Variants in CWC27 observed in about 807,000 individuals in gnomAD.
CWC27 encodes the protein spliceosome-associated protein CWC27 homolog.
Under a neutral mutation model 63.6 loss-of-function variants are expected in CWC27, and 47 were observed. The ratio of observed to expected loss-of-function variants is 0.74; its 90% confidence interval spans 0.58 to 0.94. CWC27 has a LOEUF of 0.94. CWC27 is among the 40% of genes least tolerant of loss of function. CWC27 has a pLI of 0.00. For synonymous variants in CWC27, 175 were observed against 179.8 expected (o/e 0.97, Z 0.22); for missense variants, 495 against 554.3 (o/e 0.89, Z 1.07).
At position 64,982,077 on chromosome 5, in the gene CWC27, A is replaced by G. The variant is rs140466855; in HGVS notation, c.1256+4839A>G. ...TTTAAAGCTTTCCTTTGGAGTTAGC[A>G]TAGTGCAGAAGCAACAACTACCAGC... is the stretch of plus-strand genomic sequence containing the variant. On this transcript the variant is annotated intron_variant, in intron 13 of 13. Transcript: ENST00000381070. Among the ~76,000 whole-genome samples, 618 of 152,334 alleles carry G rather than the reference A, an allele frequency of 4.1e-3. 2 individuals carry two copies. Among genetic ancestry groups the G allele is most frequent in the African/African-American group, 0.014 (577 of 41,580 alleles).
At chr5:64,967,319 A>G (rs1205170549) in intron 11 of CWC27, among the ~76,000 whole-genome samples, 3 of 152,030 alleles carry the variant, frequency 2.0e-5, no homozygotes, top group Admixed American at 1.3e-4. Context: ...TAAAACTTTG[A>G]TAGATTCACT....
chr5:64,971,950 G>T (rs1193245226), intron 12 of CWC27, 138 bp downstream of exon 12: 2 of 462,536 alleles, frequency 4.3e-6, no homozygotes, highest in Non-Finnish European at 7.5e-6. Context: ...ATTTATATAG[G>T]GTGGACATTG....
intron 7 of CWC27, among the ~76,000 whole-genome samples, chr5:64,791,712 C>G (rs760774465): frequency 5.3e-5 from 8 of 152,054 alleles, no homozygotes; most frequent in Non-Finnish European, 1.0e-4. Context: ...CTTCTTTTCT[C>G]CAGCTGCTTA....
intron 10 of CWC27, among the ~76,000 whole-genome samples, chr5:64,880,351 T>C (rs1746906197): frequency 6.6e-6 from 1 of 152,016 alleles, no homozygotes. Context: ...TCTAGCTCTG[T>C]CACTTACTCA....
In CWC27 at chr5:64,804,330, T is replaced by C. The variant is rs753811241; in HGVS notation, c.882T>C (p.Ser294=). The change falls in exon 10 of 14, where the codon AGT becomes AGC. Residue 294 remains serine (S), a synonymous_variant. Transcript: ENST00000381070. The stretch of plus-strand genomic sequence containing the variant: ...CCAAAAAATTAAAAAAGGACACAAG[T>C]GCGAATGTTAAATCAGCTGGAGAAG... ...RIAKKLKKDT[S]ANVKSAGEGE... 3 of 1,612,846 alleles carry C rather than the reference T, an allele frequency of 1.9e-6. No individual in the cohort carries two copies. The highest frequency in any genetic ancestry group is 1.7e-6 in the Non-Finnish European group (2 of 1,179,514).
intron 10 of CWC27, among the ~76,000 whole-genome samples, chr5:64,839,579 A>G (rs1745748247): frequency 6.6e-6 from 1 of 152,204 alleles, no homozygotes; most frequent in Non-Finnish European, 1.5e-5. Flanking sequence ...ACAGGGCCTG[A>G]TGAGGGCAGG....
rs188313320 is a variant in CWC27 at position 64,822,986 on chromosome 5, A to T, written c.938+18600A>T. Among the ~76,000 whole-genome samples the T allele has an allele frequency of 1.2e-4, 19 of 152,356 alleles. No individual in the cohort carries two copies. The East Asian group carries it at 3.7e-3, about 29-fold the overall frequency. ...CACTAGGCTAGAATTTATTTGAATA[A>T]CAAATGTTACTCAAATTTAATGACA... On this transcript the variant is annotated intron_variant, in intron 10 of 13. Transcript: ENST00000381070.
At chr5:64,895,874 A>G (rs1747361137) in intron 11 of CWC27, among the ~76,000 whole-genome samples, 1 of 152,230 alleles carries the variant, frequency 6.6e-6, no homozygotes, top group African/African-American at 2.4e-5. Flanking sequence ...AAAATCATGT[A>G]GAACTCAGCC....
At chr5:64,908,599 A>G (rs949121784) in intron 11 of CWC27, among the ~76,000 whole-genome samples, 10 of 152,172 alleles carry the variant, frequency 6.6e-5, no homozygotes, top group Non-Finnish European at 1.3e-4. Flanking sequence ...TAGGATAGTT[A>G]GCTCCTCTTA....
intron 11 of CWC27, among the ~76,000 whole-genome samples, chr5:64,922,159 G>C (rs974659143): frequency 6.6e-6 from 1 of 152,080 alleles, no homozygotes; most frequent in Non-Finnish European, 1.5e-5. Flanking sequence ...TGAATTTCTT[G>C]AATTTGAATG....
At chr5:64,867,742 A>C (rs1282173722) in intron 10 of CWC27, among the ~76,000 whole-genome samples, 3 of 152,112 alleles carry the variant, frequency 2.0e-5, no homozygotes, top group Non-Finnish European at 2.9e-5. Flanking sequence ...TAGTCCACTG[A>C]AAGACATAGC....
chr5:64,925,586 C>T (rs1008776926), intron 11 of CWC27, among the ~76,000 whole-genome samples: 6 of 152,134 alleles, frequency 3.9e-5, no homozygotes, highest in African/African-American at 9.7e-5. Context: ...TGCTGAGTCA[C>T]GTGCCATTTA....
chr5:64,838,786 A>G (rs1191102252), intron 10 of CWC27, among the ~76,000 whole-genome samples: 1 of 152,222 alleles, frequency 6.6e-6, no homozygotes, highest in Non-Finnish European at 1.5e-5. Context: ...TATGTTAGAG[A>G]AAAGGACAGA....
At position 64,785,571 on chromosome 5, in the gene CWC27, A is replaced by C; in HGVS notation, c.487A>C (p.Ser163Arg). 1 of 1,588,988 alleles carries C rather than the reference A, an allele frequency of 6.3e-7. No homozygotes were observed. Among genetic ancestry groups the C allele is most frequent in the East Asian group, 2.3e-5 (1 of 43,800 alleles). The part of the protein sequence containing the change: ...ERPHNPHKIK[S>R]CEVLFNPFDD... ...ACCACATAATCCACACAAAATAAAA[A>C]GCTGTGAGGTAGGAGCATGATTATT... Residue 163 changes from serine (S) to arginine (R), a missense_variant, in exon 5 of 14, where the codon AGC becomes CGC. Around this residue, in one of 3 missense-constraint regions of CWC27, gnomAD observed 463 missense variants for 498.1 expected, o/e 0.93. Transcript: ENST00000381070.
At position 64,768,955 on chromosome 5, in the gene CWC27, A is replaced by C; in HGVS notation, c.-192A>C. The C allele has an allele frequency of 1.7e-6, 1 of 590,730 alleles. No homozygotes were observed. 36.6% of individuals were successfully genotyped at this position (590,730 alleles called of 1,614,324 possible). A position where few individuals can be genotyped will look rare whatever the true frequency, so the allele number is the denominator to read the frequency against. On this transcript the variant is annotated 5_prime_UTR_variant, in exon 1 of 14. The change abolishes an upstream ATG in the 5' untranslated region. Transcript: ENST00000381070. ...AGCGGTGCTCGGGTCCGGTAACAAC[A>C]TGGCGGCGTCCGTGAGGGGCTCCTT...
At position 64,999,660 on chromosome 5, in the gene CWC27, C is replaced by G. The variant is rs914752789; in HGVS notation, c.1257-18499C>G. Among the ~76,000 whole-genome samples the G allele has an allele frequency of 2.6e-5, 4 of 151,972 alleles. No homozygotes were observed. The East Asian group carries it at 7.7e-4, about 29-fold the overall frequency. ...GTTCTATCTGTGTTGCTAAAAATGACAGGATTTCATTCTTTTTTTATGGCC... is the reference window on the plus strand; with the variant it reads ...GTTCTATCTGTGTTGCTAAAAATGAGAGGATTTCATTCTTTTTTTATGGCC... On this transcript the variant is annotated intron_variant, in intron 13 of 13. Coordinates refer to ENST00000381070, the MANE Select transcript of CWC27 (RefSeq NM_005869.4).
intron 11 of CWC27, among the ~76,000 whole-genome samples, chr5:64,905,655 T>G (rs1405865456): frequency 6.6e-6 from 1 of 152,120 alleles, no homozygotes; most frequent in East Asian, 1.9e-4. Flanking sequence ...CTAAAGAACA[T>G]TGGTCTAGAT....
chr5:64,816,276 C>T lies in CWC27; in HGVS notation c.938+11890C>T, dbSNP rs955602108. 3.3e-5 allele frequency among the ~76,000 whole-genome samples: 5 copies of T among 152,096 alleles called. No individual in the cohort carries two copies. In the South Asian group the frequency reaches 8.3e-4, roughly 25 times the overall value. On this transcript the variant is annotated intron_variant, in intron 10 of 13. Transcript: ENST00000381070. ...CATTGATAGAGGAAATGGAAAGCCACGAAGTATGCAGATGTGGCAAGGATG... is the reference window on the plus strand; with the variant it reads ...CATTGATAGAGGAAATGGAAAGCCATGAAGTATGCAGATGTGGCAAGGATG...
At chr5:64,785,344 A>G (rs1561405111) in intron 4 of CWC27, 137 bp from the exon 5 acceptor site, 1 of 421,744 alleles carries the variant, frequency 2.4e-6, no homozygotes. Context: ...CTTTATTTGC[A>G]TTATTAAATG....
Sources: allele counts gnomAD v4.1 joint callset (sites outside exome capture counted in the v4.1 genomes callset), GRCh38; gene constraint gnomAD v4.1.1; regional missense constraint gnomAD v4.1.1; transcripts MANE v1.5; gene names NCBI Gene and HGNC (gene_info 2026-07-23, HGNC 2026-07-21).